CDKL5: variants seen among roughly 807,000 people sequenced by gnomAD.
CDKL5 encodes the protein cyclin dependent kinase like 5.
CDKL5 carries 8 observed loss-of-function variants against 61.7 expected under a neutral mutation model. The observed-to-expected ratio is 0.13, with a 90% CI of 0.08 to 0.23. The LOEUF is 0.23. Among genes scored for constraint, CDKL5 ranks in the 10% least tolerant of loss-of-function variants. The pLI is 1.00. For synonymous variants in CDKL5, 275 were observed against 272.3 expected (o/e 1.01, Z -0.10); for missense variants, 440 against 734.5 (o/e 0.60, Z 4.63).
intron 1 of CDKL5, among the ~76,000 whole-genome samples, chrX:18,463,995 A>G (rs1932346605): frequency 9.1e-6 from 1 of 110,419 alleles, no homozygotes; most frequent in African/African-American, 3.3e-5. Context: ...CCATCTTCTT[A>G]AGTATGGTGT....
intron 1 of CDKL5, among the ~76,000 whole-genome samples, chrX:18,495,086 C>T (rs1922122247): frequency 3.6e-5 from 4 of 112,278 alleles, no homozygotes; most frequent in Admixed American, 2.8e-4. Flanking sequence ...TGCTTTCCAA[C>T]CATTTGAACT....
Position 18,609,534 on chromosome X carries a change from G to T in CDKL5, c.2116G>T (p.Asp706Tyr). 1 of 1,211,663 alleles carries T rather than the reference G, an allele frequency of 8.3e-7. No individual in the cohort carries two copies. Among genetic ancestry groups the T allele is most frequent in the Non-Finnish European group, 1.1e-6 (1 of 895,517 alleles). Residue 706 changes from aspartate (D) to tyrosine (Y), a missense_variant, in exon 14 of 18, where the codon GAT (aspartate) becomes TAT (tyrosine). Asp to Tyr is a radical substitution (Grantham distance 160). Around this residue, in one of 2 missense-constraint regions of CDKL5, gnomAD observed 363 missense variants for 516.3 expected, o/e 0.70. Coordinates refer to ENST00000623535, the MANE Select transcript of CDKL5 (RefSeq NM_001323289.2). ...CAAAGAAAATAGACACCTATACAAT[G>T]ATCCTGTGCCAAGGAGAGTTGGTAG... The part of the protein sequence containing the change: ...APKENRHLYN[D>Y]PVPRRVGSFY...
chrX:18,468,594 C>T (rs1215095793), intron 1 of CDKL5, among the ~76,000 whole-genome samples: 4 of 112,033 alleles, frequency 3.6e-5, no homozygotes, highest in Admixed American at 2.9e-4. Flanking sequence ...ATGATTTGTT[C>T]CCAGAGTTTT....
chrX:18,438,647 G>A (rs1313870034), intron 1 of CDKL5, among the ~76,000 whole-genome samples: 11 of 106,879 alleles, frequency 1.0e-4, no homozygotes, highest in African/African-American at 2.4e-4. Context: ...AAAATTAGCC[G>A]GGCGTGGTGG....
At chrX:18,484,514 C>G (rs943269118) in intron 1 of CDKL5, among the ~76,000 whole-genome samples, 2 of 109,768 alleles carry the variant, frequency 1.8e-5, no homozygotes, top group Admixed American at 9.8e-5. Context: ...GATGGGGTTT[C>G]ACAATATTGG....
intron 1 of CDKL5, among the ~76,000 whole-genome samples, chrX:18,451,242 A>G (rs980199923): frequency 9.0e-6 from 1 of 111,242 alleles, no homozygotes; most frequent in Non-Finnish European, 1.9e-5. Context: ...CCCAGGCTAG[A>G]GTGCAATGGC....
chrX:18,547,917 C>A lies in CDKL5; in HGVS notation c.100-16560C>A, dbSNP rs189740909. Among the ~76,000 whole-genome samples the A allele has an allele frequency of 4.4e-3, 491 of 111,865 alleles. 2 individuals carry two copies. In the Middle Eastern group the frequency reaches 0.046, roughly 10 times the overall value. On this transcript the variant is annotated intron_variant, in intron 3 of 17. Transcript: ENST00000623535. ...GTTTTTGCGCAGAGGGGTGCCTCTT[C>A]GGCCAGTTGTCATGAGAATATACTT...
At chrX:18,452,540 C>T (rs1461801622) in intron 1 of CDKL5, among the ~76,000 whole-genome samples, 2 of 109,339 alleles carry the variant, frequency 1.8e-5, no homozygotes, top group Non-Finnish European at 3.8e-5. Flanking sequence ...ATTCTCCCAC[C>T]TCAGCCTCCC....
At chrX:18,468,705 T>C (rs1468221235) in intron 1 of CDKL5, among the ~76,000 whole-genome samples, 1 of 112,078 alleles carries the variant, frequency 8.9e-6, no homozygotes, top group Non-Finnish European at 1.9e-5. Context: ...TTAGCATGAA[T>C]ATCTCCTAAT....
intron 9 of CDKL5, among the ~76,000 whole-genome samples, chrX:18,592,923 G>A (rs1925876353): frequency 8.9e-6 from 1 of 111,937 alleles, no homozygotes; most frequent in Non-Finnish European, 1.9e-5. Context: ...ATGCCCCATA[G>A]TATAGGGCCT....
At chrX:18,464,825 G>T (rs1932364783) in intron 1 of CDKL5, among the ~76,000 whole-genome samples, 1 of 111,940 alleles carries the variant, frequency 8.9e-6, no homozygotes, top group African/African-American at 3.2e-5. Flanking sequence ...TTGACTAAGA[G>T]TTGGTCTGCT....
chrX:18,573,038 G>A (rs945337733), intron 4 of CDKL5, among the ~76,000 whole-genome samples: 1 of 111,499 alleles, frequency 9.0e-6, no homozygotes, highest in African/African-American at 3.3e-5. Flanking sequence ...AAAACCTGAA[G>A]GAGCAAGCCC....
At chrX:18,588,208 C>A in intron 9 of CDKL5, 65 bp downstream of exon 9, 3 of 819,225 alleles carry the variant, frequency 3.7e-6, no homozygotes, top group Non-Finnish European at 3.7e-6. Flanking sequence ...TTGTTCATTG[C>A]ACAATGGAAT....
Position 18,638,416 on chromosome X carries a change from T to C in CDKL5, c.*9659T>C, listed in dbSNP as rs1262074526. 1 of 111,631 alleles carries C rather than the reference T, an allele frequency of 9.0e-6. No homozygotes were observed. The highest frequency in any genetic ancestry group is 1.9e-5 in the Non-Finnish European group (1 of 53,100). 9.2% of individuals were successfully genotyped at this position (111,631 alleles called of 1,213,427 possible). ...TAAATATGTTAAAATAAGGTAAGAGTGAGTTTTTCCTACACTATGTATAAT... is the reference window on the plus strand; with the variant it reads ...TAAATATGTTAAAATAAGGTAAGAGCGAGTTTTTCCTACACTATGTATAAT... On this transcript the variant is annotated 3_prime_UTR_variant, in exon 18 of 18. Coordinates refer to ENST00000623535, the MANE Select transcript of CDKL5 (RefSeq NM_001323289.2).
At chrX:18,517,892 C>A (rs1038218311) in intron 3 of CDKL5, among the ~76,000 whole-genome samples, 1 of 111,196 alleles carries the variant, frequency 9.0e-6, no homozygotes, top group Non-Finnish European at 1.9e-5. Context: ...CCTGTAATCC[C>A]AGCTACTCAG....
At position 18,628,956 on chromosome X, in the gene CDKL5, A is replaced by C; in HGVS notation, c.*199A>C. On this transcript the variant is annotated 3_prime_UTR_variant, in exon 18 of 18. Coordinates refer to ENST00000623535, the MANE Select transcript of CDKL5 (RefSeq NM_001323289.2). ...TGCTAGTCAGGGATCTTAGAGCCAC[A>C]GGAGTTCCTTAGGGATCGCCACTCC... 9.6e-7 allele frequency: 1 copy of C among 1,038,775 alleles called. No individual in the cohort carries two copies. The highest frequency in any genetic ancestry group is 1.2e-6 in the Non-Finnish European group (1 of 815,968). 85.6% of individuals were successfully genotyped at this position (1,038,775 alleles called of 1,213,427 possible). A position where few individuals can be genotyped will look rare whatever the true frequency, so the allele number is the denominator to read the frequency against.
intron 14 of CDKL5, among the ~76,000 whole-genome samples, chrX:18,610,720 A>G (rs1602290439): frequency 8.9e-6 from 1 of 112,743 alleles, no homozygotes; most frequent in East Asian, 2.8e-4. Flanking sequence ...CCTTTTAGTA[A>G]CTATGCAGTA....
chrX:18,436,300 G>A (rs1931607800), intron 1 of CDKL5, among the ~76,000 whole-genome samples: 3 of 110,414 alleles, frequency 2.7e-5, no homozygotes, highest in Admixed American at 9.7e-5. Context: ...GAAGGTGGAA[G>A]GGGAGGCAGG....
chrX:18,641,459 C>G, downstream of CDKL5: 1 of 120,574 alleles, frequency 8.3e-6, no homozygotes, highest in Admixed American at 8.2e-5. Flanking sequence ...CACCGGGATT[C>G]TCACCCACCG....
Sources: gnomAD v4.1 joint callset for allele counts (sites outside exome capture counted in the v4.1 genomes callset) on GRCh38, gnomAD v4.1.1 for gene constraint, gnomAD v4.1.1 regional missense constraint, MANE v1.5 for transcripts, NCBI Gene and HGNC (gene_info 2026-07-23, HGNC 2026-07-21) for gene names.